SNX29: variants seen among roughly 807,000 people sequenced by gnomAD.
SNX29 encodes the protein sorting nexin-29.
A neutral mutation model predicts 102.1 loss-of-function variants in SNX29; 78 were observed. The observed-to-expected ratio is 0.76, with a 90% CI of 0.64 to 0.92. The LOEUF (loss-of-function observed/expected upper bound fraction) is 0.92. Among genes scored for constraint, SNX29 ranks in the 40% least tolerant of loss-of-function variants. SNX29 has a pLI of 0.00. For synonymous variants in SNX29, 580 were observed against 414.5 expected (o/e 1.40, Z -4.85); for missense variants, 1,280 against 1,061.7 (o/e 1.21, Z -2.86).
At position 12,046,474 on chromosome 16, in the gene SNX29, G is replaced by T; in HGVS notation, c.499+20G>T. 1 of 1,613,438 alleles carries T rather than the reference G, an allele frequency of 6.2e-7. No homozygotes were observed. The highest frequency in any genetic ancestry group is 1.3e-5 in the African/African-American group (1 of 75,046). ...CAGCAGGTAAGCCTGGCCCAGACCAGGGTGCAGGGCCTTGTGACACTTGGC... is the reference window on the plus strand; with the variant it reads ...CAGCAGGTAAGCCTGGCCCAGACCATGGTGCAGGGCCTTGTGACACTTGGC... On this transcript the variant is annotated intron_variant, in intron 6 of 20. Coordinates refer to ENST00000566228, the MANE Select transcript of SNX29 (RefSeq NM_032167.5).
intron 20 of SNX29, among the ~76,000 whole-genome samples, chr16:12,549,994 T>G (rs2077867179): frequency 6.6e-6 from 1 of 152,150 alleles, no homozygotes; most frequent in Middle Eastern, 3.2e-3. Context: ...ATGTATAGCT[T>G]CTTATTATAA....
chr16:12,045,827 G>T (rs1393567399), intron 5 of SNX29, among the ~76,000 whole-genome samples: 1 of 151,952 alleles, frequency 6.6e-6, no homozygotes, highest in East Asian at 1.9e-4. Context: ...GTTTCACTGT[G>T]TTGGCCAGGC....
rs943886851 is a variant in SNX29, at chr16:12,572,920, G to C, written c.*4291G>C. On this transcript the variant is annotated 3_prime_UTR_variant, in exon 21 of 21. Coordinates refer to ENST00000566228, the MANE Select transcript of SNX29 (RefSeq NM_032167.5). The stretch of plus-strand genomic sequence containing the variant: ...CGCTCGGAATCACGGCAGACTTGGA[G>C]TGTTTCTTCAAGGCAGGCATCTGCT... 1.0e-6 allele frequency: 1 copy of C among 976,992 alleles called. No homozygotes were observed. Among genetic ancestry groups the C allele is most frequent in the Admixed American group, 5.4e-5 (1 of 18,466 alleles). The allele number at this position is 976,992 out of a possible 1,614,324, so 60.5% of individuals were successfully genotyped here.
chr16:12,011,927 A>G (rs528770145), intron 3 of SNX29, among the ~76,000 whole-genome samples: 8 of 152,318 alleles, frequency 5.3e-5, no homozygotes, highest in African/African-American at 1.9e-4. Flanking sequence ...TGGTACACCC[A>G]GTTAAAACGT....
chr16:12,229,439 A>G (rs1042362082), intron 14 of SNX29, among the ~76,000 whole-genome samples: 5 of 152,184 alleles, frequency 3.3e-5, no homozygotes, highest in Non-Finnish European at 7.3e-5. Context: ...GAGTGGTTTC[A>G]TCTCCCTGAT....
At chr16:12,552,549 C>G (rs1176297079) in intron 20 of SNX29, among the ~76,000 whole-genome samples, 4 of 152,324 alleles carry the variant, frequency 2.6e-5, no homozygotes, top group South Asian at 2.1e-4. Flanking sequence ...GTCCCCAGCA[C>G]TGGCACACAG....
chr16:12,000,376 G>A (rs946948580), intron 2 of SNX29: 1 of 152,128 alleles, frequency 6.6e-6, no homozygotes, highest in Non-Finnish European at 1.5e-5. Flanking sequence ...CCAACAACTT[G>A]CTCAGGGCGT....
intron 18 of SNX29, among the ~76,000 whole-genome samples, chr16:12,454,780 C>T (rs889633609): frequency 3.9e-5 from 6 of 152,120 alleles, no homozygotes; most frequent in African/African-American, 7.2e-5. Context: ...AGTGCAGTGG[C>T]GTGATCTCGG....
At chr16:12,015,236 G>A (rs1431591707) in intron 3 of SNX29, among the ~76,000 whole-genome samples, 1 of 151,670 alleles carries the variant, frequency 6.6e-6, no homozygotes, top group Non-Finnish European at 1.5e-5. Flanking sequence ...CCAAGTTATA[G>A]TTCTTTTTTT....
intron 20 of SNX29, among the ~76,000 whole-genome samples, chr16:12,554,259 T>G (rs1484170959): frequency 2.0e-5 from 3 of 152,232 alleles, no homozygotes; most frequent in Non-Finnish European, 4.4e-5. Flanking sequence ...GTCTCTGCCT[T>G]TTGGTGCATC....
At chr16:12,017,284 C>T (rs2056879648) in intron 3 of SNX29, among the ~76,000 whole-genome samples, 1 of 152,206 alleles carries the variant, frequency 6.6e-6, no homozygotes, top group Non-Finnish European at 1.5e-5. Flanking sequence ...CTCAGTGTTA[C>T]TATACTTTCT....
intron 15 of SNX29, among the ~76,000 whole-genome samples, chr16:12,306,545 G>T (rs1276276471): frequency 6.6e-6 from 1 of 152,176 alleles, no homozygotes; most frequent in Non-Finnish European, 1.5e-5. Flanking sequence ...GTCCTTTCCT[G>T]GCCAGGGCTG....
chr16:12,354,729 G>T (rs1297855781), intron 15 of SNX29, among the ~76,000 whole-genome samples: 1 of 152,142 alleles, frequency 6.6e-6, no homozygotes, highest in Non-Finnish European at 1.5e-5. Flanking sequence ...AGGCACAAAG[G>T]CATTATTAGC....
chr16:12,118,335 T>TTTTTTTTTTTTTTTTTTTTG (rs2053826333), intron 11 of SNX29, among the ~76,000 whole-genome samples: 1 of 146,296 alleles, frequency 6.8e-6, no homozygotes, highest in Admixed American at 6.8e-5. Context: ...TTTTTTTTTT[T>TTTTTTTTTTTTTTTTTTTTG]TATGAGATGG....
chr16:12,376,601 C>T (rs377676562), intron 16 of SNX29, among the ~76,000 whole-genome samples: 11 of 151,564 alleles, frequency 7.3e-5, no homozygotes, highest in African/African-American at 2.7e-4. Flanking sequence ...CTGGGCATGG[C>T]GGCTGGCACC....
intron 13 of SNX29, among the ~76,000 whole-genome samples, chr16:12,198,044 TAGAC>T (rs1567302235): frequency 1.3e-5 from 2 of 152,136 alleles, no homozygotes; most frequent in African/African-American, 4.8e-5. Flanking sequence ...CATCCGTAAA[TAGAC>T]TGAGTGAGAG....
chr16:12,562,363 T>G (rs1401290705), intron 20 of SNX29, among the ~76,000 whole-genome samples: 1 of 146,436 alleles, frequency 6.8e-6, no homozygotes, highest in Admixed American at 6.7e-5. Context: ...TATTTTTGCT[T>G]GCACCATTTT....
intron 14 of SNX29, among the ~76,000 whole-genome samples, chr16:12,274,205 T>G (rs566145747): frequency 4.6e-5 from 7 of 152,358 alleles, no homozygotes; most frequent in Non-Finnish European, 1.0e-4. Context: ...CAAAATAATT[T>G]TTCTTCAGAA....
chr16:12,046,503 G>T (rs1426565616), intron 6 of SNX29, 49 bp downstream of exon 6: 1 of 1,592,492 alleles, frequency 6.3e-7, no homozygotes, highest in African/African-American at 1.3e-5. Context: ...ACTTGGCAGA[G>T]GGGCTGCCTT....
Sources: gnomAD v4.1 joint callset for allele counts (sites outside exome capture counted in the v4.1 genomes callset) on GRCh38, gnomAD v4.1.1 for gene constraint, MANE v1.5 for transcripts, NCBI Gene and HGNC (gene_info 2026-07-23, HGNC 2026-07-21) for gene names.